The following PEX16 variants were observed in gnomAD, a reference collection of about 807,000 sequenced individuals.
PEX16 encodes peroxisomal biogenesis factor 16.
Under a neutral mutation model 50.5 loss-of-function variants are expected in PEX16, and 37 were observed. That is an observed-to-expected ratio of 0.73 (90% CI 0.56 to 0.96). The LOEUF (loss-of-function observed/expected upper bound fraction) is 0.96, where lower values mean the gene tolerates loss of function less well. PEX16 is among the 40% of genes least tolerant of loss of function. The probability of loss-of-function intolerance (pLI) is 0.00; values close to 1 mark genes in which losing one functional copy is unlikely to be tolerated. For synonymous variants in PEX16, 185 were observed against 190.3 expected, an observed-to-expected ratio of 0.97 and a Z score of 0.23; for missense variants, 401 against 438.3, an observed-to-expected ratio of 0.91 and a Z score of 0.76.
chr11:45,912,818 G>GT lies in PEX16; in HGVS notation c.887+1000dup, dbSNP rs944414667. The stretch of plus-strand genomic sequence containing the variant: ...TGCCTGGCTAAACTATGCCAGTTTT[G>GT]TTTTTTTTTTTCTGTTTTGTTTTTT... On this transcript the variant is annotated intron_variant, in intron 9 of 10. Transcript: ENST00000378750. Among the ~76,000 whole-genome samples the GT allele has an allele frequency of 2.9e-3, 413 of 144,702 alleles. 3 individuals carry two copies. Among genetic ancestry groups the GT allele is most frequent in the Middle Eastern group, 0.011 (3 of 268 alleles). The allele number at this position is 144,702 out of a possible 152,430, so 94.9% of individuals were successfully genotyped here.
chr11:45,917,207 G>A, intron 2 of PEX16: 4 of 696,966 alleles, frequency 5.7e-6, no homozygotes, highest in South Asian at 1.5e-5. Flanking sequence ...AACAAGTAAA[G>A]GTAAGAAAGG....
intron 1 of PEX16, 21 bp from the exon 2 acceptor site, chr11:45,917,514 G>C: frequency 6.2e-7 from 1 of 1,613,932 alleles, no homozygotes; most frequent in Non-Finnish European, 8.5e-7. Context: ...GGTACAGAAG[G>C]AGGTGTGAGT....
At chr11:45,918,149 G>C, upstream of PEX16, 2 of 432,442 alleles carry the variant, frequency 4.6e-6, no homozygotes. Context: ...CGCCTGCGCA[G>C]TTAAAGCTCC....
At chr11:45,917,606 G>C in intron 1 of PEX16, 94 bp downstream of exon 1, 1 of 1,501,230 alleles carries the variant, frequency 6.7e-7, no homozygotes, top group Non-Finnish European at 9.1e-7. Flanking sequence ...GTCTTCTCAA[G>C]CACAGCGATC....
chr11:45,910,053 TGCGG>T lies in PEX16; in HGVS notation c.*197_*200del. 1.3e-6 allele frequency: 2 copies of T among 1,561,484 alleles called. No individual in the cohort carries two copies. Among genetic ancestry groups the T allele is most frequent in the Non-Finnish European group, 1.8e-6 (2 of 1,136,044 alleles). ...GCTTCTTGGCCCAGCAGTGACAAGG[TGCGG>T]GCTGCAGTGGCATCGTCACAGGAGA... On this transcript the variant is annotated 3_prime_UTR_variant, in exon 11 of 11. Coordinates refer to ENST00000378750, the MANE Select transcript of PEX16 (RefSeq NM_004813.4).
chr11:45,916,415 G>T, intron 2 of PEX16, 112 bp from the exon 3 acceptor site: 1 of 825,626 alleles, frequency 1.2e-6, no homozygotes, highest in Non-Finnish European at 2.1e-6. Context: ...GACACCCACA[G>T]ACTATGTGGA....
At chr11:45,915,672 A>C in intron 4 of PEX16, 31 bp downstream of exon 4, 1 of 1,613,592 alleles carries the variant, frequency 6.2e-7, no homozygotes, top group Non-Finnish European at 8.5e-7. Context: ...CGTCACCCCC[A>C]CCCAGGACCC....
At chr11:45,918,100 A>G (rs1037681434), upstream of PEX16, 1 of 502,046 alleles carries the variant, frequency 2.0e-6, no homozygotes, top group African/African-American at 1.9e-5. Flanking sequence ...CAGCGCCGTC[A>G]GCACCCAGCT....
At chr11:45,915,658 C>T (rs1373109117) in intron 4 of PEX16, 45 bp downstream of exon 4, 1 of 1,613,056 alleles carries the variant, frequency 6.2e-7, no homozygotes, top group Admixed American at 1.7e-5. Flanking sequence ...GTGTAGCTAG[C>T]CTGCGTCACC....
At chr11:45,915,908 G>A (rs2086829601) in intron 3 of PEX16, 72 bp from the exon 4 acceptor site, 9 of 1,471,680 alleles carry the variant, frequency 6.1e-6, no homozygotes, top group Admixed American at 3.5e-5. Context: ...CTCCTAGGAG[G>A]GAGCTTCTCT....
At chr11:45,918,752 C>A (rs1192148519), upstream of PEX16, 1 of 152,234 alleles carries the variant, frequency 6.6e-6, no homozygotes, top group African/African-American at 2.4e-5. Context: ...GAAGGGGAGA[C>A]CCCTGGGGAG....
chr11:45,915,187 C>T (rs916530948), intron 5 of PEX16, among the ~76,000 whole-genome samples: 1 of 152,226 alleles, frequency 6.6e-6, no homozygotes, highest in African/African-American at 2.4e-5. Context: ...GGACACAGAA[C>T]CAGGCTCAGA....
At position 45,910,310 on chromosome 11, in the gene PEX16, G is replaced by T; in HGVS notation, c.955C>A (p.Pro319Thr). 3 of 1,613,076 alleles carry T rather than the reference G, an allele frequency of 1.9e-6. No individual in the cohort carries two copies. Among genetic ancestry groups the T allele is most frequent in the Non-Finnish European group, 2.5e-6 (3 of 1,179,272 alleles). The change falls in exon 11 of 11, where the codon CCG (proline) becomes ACG (threonine). Residue 319 changes from proline to threonine, a missense_variant and splice_region_variant. By Grantham distance (38) the Pro-to-Thr change is conservative (BLOSUM62 -1). Transcript: ENST00000378750. Reference protein sequence around the residue: ...HVPGVGLVTRPLMDYLPTWQK... With the variant: ...HVPGVGLVTRTLMDYLPTWQK... ...CAGGTGGGCAAGTAATCCATGAGCG[G>T]CCCTGCAGTGGGAGAGGGACACATC... is the stretch of plus-strand genomic sequence containing the variant.
At chr11:45,917,006 G>T in intron 2 of PEX16, 1 of 469,736 alleles carries the variant, frequency 2.1e-6, no homozygotes, top group South Asian at 1.5e-5. Context: ...CATTCTTTCA[G>T]GACTGTGACA....
intron 8 of PEX16, 79 bp downstream of exon 8, chr11:45,914,052 T>C (rs2086805831): frequency 6.4e-7 from 1 of 1,564,998 alleles, no homozygotes; most frequent in East Asian, 2.4e-5. Flanking sequence ...CAGGGGCCGC[T>C]GCCACCCCGC....
At chr11:45,910,447 G>A (rs943526317) in intron 10 of PEX16, 135 bp from the exon 11 acceptor site, 2 of 747,224 alleles carry the variant, frequency 2.7e-6, no homozygotes, top group Non-Finnish European at 4.8e-6. Flanking sequence ...AGGCAGCACT[G>A]CAGGGGACTC....
At position 45,913,900 on chromosome 11, in the gene PEX16, C is replaced by T. The variant is rs772259770; in HGVS notation, c.806G>A (p.Arg269Lys). The stretch of plus-strand genomic sequence containing the variant: ...CCGGCGCCGCAGCTCCCGCCGCTCC[C>T]TCCGGGTCAGGCCCTTTCTGTCACT... ...LLSDRKGLTRRERRELRRRTI... is the reference protein window; with the variant it reads ...LLSDRKGLTRKERRELRRRTI... The change falls in exon 9 of 11, where the codon AGG (arginine) becomes AAG (lysine). Residue 269 changes from arginine to lysine, a missense_variant. Physicochemically the swap from Arg to Lys is conservative, Grantham distance 26. Transcript: ENST00000378750. 4 of 1,613,548 alleles carry T rather than the reference C, an allele frequency of 2.5e-6. No homozygotes were observed. The East Asian group carries it at 6.7e-5, about 27-fold the overall frequency.
At chr11:45,911,951 G>A (rs985124686) in intron 9 of PEX16, 2 of 152,530 alleles carry the variant, frequency 1.3e-5, no homozygotes, top group African/African-American at 2.4e-5. Flanking sequence ...TTGAACCCGG[G>A]AGGCAGAGGT....
At chr11:45,917,359 C>A in intron 2 of PEX16, 99 bp downstream of exon 2, 8 of 1,068,598 alleles carry the variant, frequency 7.5e-6, no homozygotes, top group Non-Finnish European at 1.2e-5. Context: ...GTCTAACGGG[C>A]AGCCCAGGTC....
Sources: gnomAD v4.1 joint callset for allele counts (sites outside exome capture counted in the v4.1 genomes callset) on GRCh38, gnomAD v4.1.1 for gene constraint, MANE v1.5 for transcripts, NCBI Gene and HGNC (gene_info 2026-07-23, HGNC 2026-07-21) for gene names.